The following ZC3H12B variants were observed in gnomAD, a reference collection of about 807,000 sequenced individuals.
ZC3H12B encodes zinc finger CCCH-type containing 12B.
Under a neutral mutation model 43.9 loss-of-function variants are expected in ZC3H12B, and 7 were observed. The observed-to-expected ratio is 0.16, with a 90% CI of 0.09 to 0.30. The LOEUF is 0.30. Among genes scored for constraint, ZC3H12B ranks in the 10% least tolerant of loss-of-function variants. ZC3H12B has a pLI of 1.00. For missense variants in ZC3H12B, 475 were observed against 670.2 expected (o/e 0.71, Z 3.22); for synonymous variants, 222 against 241.7 (o/e 0.92, Z 0.76).
the ZC3H12B span, among the ~76,000 whole-genome samples, chrX:65,057,218 G>T: frequency 8.9e-6 from 1 of 111,743 alleles, no homozygotes; most frequent in African/African-American, 3.3e-5. Context: ...GCAGTGGCTG[G>T]TACCGGTTGT....
At chrX:65,161,318 G>C in the ZC3H12B span, among the ~76,000 whole-genome samples, 2 of 111,279 alleles carry the variant, frequency 1.8e-5, no homozygotes, top group Non-Finnish European at 3.8e-5. Context: ...GGGGATCTTT[G>C]TTAACTTTCT....
the ZC3H12B span, among the ~76,000 whole-genome samples, chrX:65,296,599 C>A: frequency 9.0e-6 from 1 of 111,282 alleles, no homozygotes; most frequent in African/African-American, 3.3e-5. Context: ...GGTAGCAATT[C>A]TATTGACACT....
the ZC3H12B span, among the ~76,000 whole-genome samples, chrX:65,332,534 A>C: frequency 1.8e-5 from 2 of 111,494 alleles, no homozygotes; most frequent in African/African-American, 3.3e-5. Context: ...GTTGGAACCA[A>C]GCTGATATGG....
the ZC3H12B span, among the ~76,000 whole-genome samples, chrX:65,244,435 C>T: frequency 9.1e-6 from 1 of 109,954 alleles, no homozygotes; most frequent in African/African-American, 3.3e-5. Flanking sequence ...CACAGAGTTG[C>T]CACAATACTT....
At chrX:65,406,613 T>TGGGCGGGACTGGGCGGGGCC (rs1270203545) in intron 3 of ZC3H12B, among the ~76,000 whole-genome samples, 2 of 17,381 alleles carry the variant, frequency 1.2e-4, no homozygotes, top group Non-Finnish European at 6.5e-4. Flanking sequence ...TGGGCGGGGC[T>TGGGCGGGACTGGGCGGGGCC]GGGCGGGACT....
chrX:65,336,137 G>C, the ZC3H12B span, among the ~76,000 whole-genome samples: 1 of 112,228 alleles, frequency 8.9e-6, no homozygotes, highest in Non-Finnish European at 1.9e-5. Context: ...CTTAAGACTA[G>C]CCTCTTGAAT....
At chrX:65,127,438 G>T in the ZC3H12B span, among the ~76,000 whole-genome samples, 1 of 111,531 alleles carries the variant, frequency 9.0e-6, no homozygotes. Context: ...GATGGTTCTT[G>T]GTTGTGTTTT....
chrX:65,442,031 TG>T (rs2067307451), intron 3 of ZC3H12B, among the ~76,000 whole-genome samples: 1 of 99,311 alleles, frequency 1.0e-5, no homozygotes, highest in African/African-American at 4.5e-5. Flanking sequence ...CCCTATCTAG[TG>T]GCCTGACTCA....
At chrX:65,477,291 A>G (rs1457543449) in intron 3 of ZC3H12B, among the ~76,000 whole-genome samples, 1 of 110,145 alleles carries the variant, frequency 9.1e-6, no homozygotes, top group African/African-American at 3.3e-5. Flanking sequence ...GAATCCTTGC[A>G]TGACCATCAT....
At chrX:65,495,977 GA>G (rs2068273754) in intron 1 of ZC3H12B, among the ~76,000 whole-genome samples, 1 of 111,682 alleles carries the variant, frequency 9.0e-6, no homozygotes, top group Non-Finnish European at 1.9e-5. Flanking sequence ...AACCTGCTGG[GA>G]TTACAGGCCT....
the ZC3H12B span, among the ~76,000 whole-genome samples, chrX:65,347,861 A>C: frequency 8.9e-6 from 1 of 112,592 alleles, no homozygotes; most frequent in African/African-American, 3.2e-5. Flanking sequence ...GATAGACTGG[A>C]TTAAGAAAAT....
chrX:65,459,264 A>C (rs2067691189), intron 3 of ZC3H12B, among the ~76,000 whole-genome samples: 1 of 112,178 alleles, frequency 8.9e-6, no homozygotes, highest in South Asian at 3.7e-4. Context: ...TCACAGCCGA[A>C]TTCTACCAGA....
the ZC3H12B span, among the ~76,000 whole-genome samples, chrX:65,206,877 T>C: frequency 2.3e-3 from 256 of 110,868 alleles, 2 homozygotes; most frequent in African/African-American, 7.8e-3. Context: ...AAAGAAGATA[T>C]AGCAGTGGCC....
chrX:65,467,524 C>A (rs1165198556), intron 3 of ZC3H12B, among the ~76,000 whole-genome samples: 1 of 111,924 alleles, frequency 8.9e-6, no homozygotes, highest in Non-Finnish European at 1.9e-5. Flanking sequence ...TGAGAAATCA[C>A]CAAACTATTT....
At chrX:65,049,421 A>C in the ZC3H12B span, among the ~76,000 whole-genome samples, 31 of 111,461 alleles carry the variant, frequency 2.8e-4, 1 homozygote, top group Admixed American at 1.3e-3. Flanking sequence ...CATCTGTTAA[A>C]GAGATTATCA....
At chrX:65,141,486 CCT>C in the ZC3H12B span, among the ~76,000 whole-genome samples, 1 of 107,233 alleles carries the variant, frequency 9.3e-6, no homozygotes, top group Non-Finnish European at 1.9e-5. Flanking sequence ...CTACATATGC[CCT>C]CTGTTTCTTT....
At chrX:65,049,730 A>G in the ZC3H12B span, among the ~76,000 whole-genome samples, 1 of 111,213 alleles carries the variant, frequency 9.0e-6, no homozygotes, top group Non-Finnish European at 1.9e-5. Flanking sequence ...TTTGATGGGG[A>G]TCACATTGAA....
the ZC3H12B span, among the ~76,000 whole-genome samples, chrX:65,086,979 A>T: frequency 2.7e-5 from 3 of 110,058 alleles, no homozygotes; most frequent in Non-Finnish European, 5.7e-5. Context: ...CCCATGCCAG[A>T]GCACCCTGAG....
chrX:65,114,771 C>A, the ZC3H12B span, among the ~76,000 whole-genome samples: 284 of 110,025 alleles, frequency 2.6e-3, 1 homozygote, highest in African/African-American at 8.7e-3. Flanking sequence ...TATTTCCTTT[C>A]TTTCACTTGT....
Sources: gnomAD v4.1 joint callset for allele counts (sites outside exome capture counted in the v4.1 genomes callset) on GRCh38, gnomAD v4.1.1 for gene constraint, MANE v1.5 for transcripts, NCBI Gene and HGNC (gene_info 2026-07-23, HGNC 2026-07-21) for gene names.